The following RABGEF1 variants were observed in gnomAD, a reference collection of about 807,000 sequenced individuals.
RABGEF1 encodes rab5 GDP/GTP exchange factor.
In RABGEF1, 26 loss-of-function variants were observed where a neutral mutation model predicts 57.3. The observed-to-expected ratio is 0.45, with a 90% CI of 0.33 to 0.63. The LOEUF (loss-of-function observed/expected upper bound fraction) is 0.63, where lower values mean the gene tolerates loss of function less well. RABGEF1 is among the 20% of genes least tolerant of loss of function. The pLI is 0.02. For synonymous variants in RABGEF1, 185 were observed against 210.7 expected (o/e 0.88, Z 1.06); for missense variants, 464 against 607.6 (o/e 0.76, Z 2.48).
intron 4 of RABGEF1, among the ~76,000 whole-genome samples, chr7:66,789,534 T>C (rs1222591582): frequency 6.6e-6 from 1 of 151,710 alleles, no homozygotes; most frequent in Non-Finnish European, 1.5e-5. Context: ...ATACAAAAAA[T>C]TAGCCAGGTG....
At position 66,799,363 on chromosome 7, in the gene RABGEF1, G is replaced by C; in HGVS notation, c.769G>C (p.Val257Leu). The change falls in exon 7 of 9, where the codon GTT (valine) becomes CTT (leucine). Residue 257 changes from valine (V) to leucine (L), a missense_variant. Coordinates refer to ENST00000284957, the MANE Select transcript of RABGEF1 (RefSeq NM_014504.3). ...WVTPQMLCVPVNEDIPEVSDM... is the reference protein window; with the variant it reads ...WVTPQMLCVPLNEDIPEVSDM... ...TACGCCTCAGATGCTGTGTGTCCCT[G>C]TTAATGAAGACATCCCAGAAGTGTC... 1 of 1,612,702 alleles carries C rather than the reference G, an allele frequency of 6.2e-7. No homozygotes were observed. Among genetic ancestry groups the C allele is most frequent in the Non-Finnish European group, 8.5e-7 (1 of 1,178,704 alleles).
chr7:66,806,604 G>A lies in RABGEF1; in HGVS notation c.1077+1208G>A, dbSNP rs562555115. Among the ~76,000 whole-genome samples, 378 of 150,402 alleles carry A rather than the reference G, an allele frequency of 2.5e-3. 1 individual carries two copies. Among genetic ancestry groups the A allele is most frequent in the Non-Finnish European group, 4.0e-3 (270 of 67,772 alleles). ...TGTAGTACTGAAAAAAGTTTAAGTG[G>A]CCCATATAGAATGAGATTAGAAGTA... is the stretch of plus-strand genomic sequence containing the variant. On this transcript the variant is annotated intron_variant, in intron 8 of 8. Coordinates refer to ENST00000284957, the MANE Select transcript of RABGEF1 (RefSeq NM_014504.3).
At chr7:66,772,454 A>AT (rs140257325) in intron 2 of RABGEF1, among the ~76,000 whole-genome samples, 6,204 of 152,288 alleles carry the variant, frequency 0.041, 423 homozygotes, top group African/African-American at 0.14. Context: ...TATTTCCCTC[A>AT]TTCTTTTAAT....
chr7:66,682,766 GGGA>G (rs1789976650), intron 1 of RABGEF1, among the ~76,000 whole-genome samples: 1 of 152,186 alleles, frequency 6.6e-6, no homozygotes, highest in Non-Finnish European at 1.5e-5. Context: ...TCCCGGAGTT[GGGA>G]GGGGATTTGA....
the RABGEF1 span, among the ~76,000 whole-genome samples, chr7:66,676,884 C>T: frequency 6.6e-6 from 1 of 152,190 alleles, no homozygotes; most frequent in Non-Finnish European, 1.5e-5. Flanking sequence ...ACACCTGGTC[C>T]GTGAATAGTG....
chr7:66,759,003 A>G (rs779929456), intron 1 of RABGEF1, among the ~76,000 whole-genome samples: 2 of 152,242 alleles, frequency 1.3e-5, no homozygotes, highest in Non-Finnish European at 2.9e-5. Context: ...TTACATAACT[A>G]TAATGTAATG....
intron 7 of RABGEF1, among the ~76,000 whole-genome samples, chr7:66,803,183 A>C (rs181460652): frequency 2.6e-5 from 4 of 152,346 alleles, no homozygotes; most frequent in Non-Finnish European, 5.9e-5. Context: ...TAGCCTCATA[A>C]GTAAGGGAAT....
chr7:66,690,318 C>G (rs1284249738), intron 1 of RABGEF1, among the ~76,000 whole-genome samples: 1 of 150,438 alleles, frequency 6.6e-6, no homozygotes, highest in African/African-American at 2.4e-5. Flanking sequence ...CCAGGCTGGT[C>G]TTGAACTCCT....
At chr7:66,684,311 G>A (rs1343375012) in intron 1 of RABGEF1, among the ~76,000 whole-genome samples, 1 of 152,140 alleles carries the variant, frequency 6.6e-6, no homozygotes, top group Non-Finnish European at 1.5e-5. Flanking sequence ...GGGCATGATG[G>A]CGCCTACCTG....
chr7:66,773,151 T>C (rs1807627959), intron 2 of RABGEF1, among the ~76,000 whole-genome samples: 1 of 150,860 alleles, frequency 6.6e-6, no homozygotes, highest in South Asian at 2.2e-4. Context: ...TGTAGTGAAC[T>C]CAGAGAATTA....
chr7:66,668,423 TGA>T, the RABGEF1 span, among the ~76,000 whole-genome samples: 2 of 152,154 alleles, frequency 1.3e-5, no homozygotes, highest in East Asian at 1.9e-4. Context: ...GACATGAGAC[TGA>T]GAGAATGGCC....
intron 1 of RABGEF1, among the ~76,000 whole-genome samples, chr7:66,708,380 T>G (rs1438318163): frequency 1.3e-5 from 2 of 152,018 alleles, no homozygotes; most frequent in Non-Finnish European, 2.9e-5. Flanking sequence ...CTTCGCTTCC[T>G]GGGTTCAAGT....
chr7:66,774,277 C>T (rs1807973813), intron 2 of RABGEF1, among the ~76,000 whole-genome samples: 1 of 152,148 alleles, frequency 6.6e-6, no homozygotes, highest in Non-Finnish European at 1.5e-5. Context: ...TTATAATATA[C>T]TCTTACTTCT....
intron 2 of RABGEF1, among the ~76,000 whole-genome samples, chr7:66,772,996 T>G (rs1807554974): frequency 6.6e-6 from 1 of 151,906 alleles, no homozygotes; most frequent in African/African-American, 2.4e-5. Flanking sequence ...TAATGTTAAT[T>G]CTTTGCCAGA....
intron 8 of RABGEF1, among the ~76,000 whole-genome samples, chr7:66,807,026 C>G (rs1472471251): frequency 1.3e-5 from 2 of 151,928 alleles, no homozygotes; most frequent in African/African-American, 2.4e-5. Context: ...CAAAGCGAGT[C>G]AGACAACCTG....
chr7:66,668,252 C>T, the RABGEF1 span, among the ~76,000 whole-genome samples: 10,081 of 152,160 alleles, frequency 0.066, 1,061 homozygotes, highest in African/African-American at 0.22. Flanking sequence ...CCACCATGCC[C>T]GGCTAATTGT....
rs1278112750 is a variant in RABGEF1 at position 66,714,975 on chromosome 7, C to T, written c.-815+2751C>T. ...AACAAAAAACAGAAATTTAGGTTATCGATTAGAAAACTTTCGTCGTCCTCC... is the reference window on the plus strand; with the variant it reads ...AACAAAAAACAGAAATTTAGGTTATTGATTAGAAAACTTTCGTCGTCCTCC... On this transcript the variant is annotated intron_variant and NMD_transcript_variant, in intron 2 of 9. Coordinates refer to the RABGEF1 transcript ENST00000607882. Among the ~76,000 whole-genome samples the T allele has an allele frequency of 3.9e-5, 6 of 152,248 alleles. No homozygotes were observed. The South Asian group carries it at 8.3e-4, about 21-fold the overall frequency.
chr7:66,670,894 T>TACACACACACACAC, the RABGEF1 span, among the ~76,000 whole-genome samples: 5,284 of 145,572 alleles, frequency 0.036, 107 homozygotes, highest in Non-Finnish European at 0.036. Context: ...CACATACGTA[T>TACACACACACACAC]ACACACACAC....
intron 1 of RABGEF1, chr7:66,756,130 T>C: frequency 1.7e-6 from 2 of 1,147,876 alleles, no homozygotes; most frequent in Non-Finnish European, 1.2e-6. Context: ...AAGAAAATAG[T>C]AATGACATAG....
Sources: allele counts gnomAD v4.1 joint callset (sites outside exome capture counted in the v4.1 genomes callset), GRCh38; gene constraint gnomAD v4.1.1; transcripts MANE v1.5; gene names NCBI Gene and HGNC (gene_info 2026-07-23, HGNC 2026-07-21).